The following TNRC6C variants were observed in gnomAD, a reference collection of about 807,000 sequenced individuals.
TNRC6C encodes trinucleotide repeat containing adaptor 6C, also known as trinucleotide repeat-containing gene 6C protein.
In TNRC6C, 20 loss-of-function variants were observed where a neutral mutation model predicts 153.7. That is an observed-to-expected ratio of 0.13 (90% CI 0.09 to 0.19). The LOEUF (loss-of-function observed/expected upper bound fraction) is 0.19, where lower values mean the gene tolerates loss of function less well. TNRC6C is among the 10% of genes least tolerant of loss of function. The pLI is 1.00. For missense variants in TNRC6C, 1,987 were observed against 2,172.0 expected (o/e 0.91, Z 1.69); for synonymous variants, 811 against 841.4 (o/e 0.96, Z 0.63).
chr17:78,098,703 G>A (rs1243829983), intron 17 of TNRC6C, among the ~76,000 whole-genome samples, 166 bp downstream of exon 20: 2 of 152,192 alleles, frequency 1.3e-5, no homozygotes, highest in Admixed American at 6.5e-5. Context: ...CAGGGCAGTA[G>A]CTGGGTGAGC....
At position 78,030,155 on chromosome 17, in the gene TNRC6C, TTTTTTG is replaced by T. The variant is rs556654115; in HGVS notation, c.-545-1354_-545-1349del. ...TACATAATGTATGTGCTAGACTTTTTTTTTTGTTTTTGGAGACGGAGTCTCGCTCTG... is the reference window on the plus strand; with the variant it reads ...TACATAATGTATGTGCTAGACTTTTTTTTTTGGAGACGGAGTCTCGCTCTG... On this transcript the variant is annotated intron_variant, in intron 1 of 19. Transcript: ENST00000301624. Among the ~76,000 whole-genome samples, 4 of 152,352 alleles carry T rather than the reference TTTTTTG, an allele frequency of 2.6e-5. No individual in the cohort carries two copies. In the South Asian group the frequency reaches 8.3e-4, roughly 32 times the overall value.
upstream of TNRC6C, among the ~76,000 whole-genome samples, chr17:78,000,331 G>A (rs1042295942): frequency 2.0e-5 from 3 of 152,018 alleles, no homozygotes; most frequent in African/African-American, 7.3e-5. Flanking sequence ...TTATGCTCAA[G>A]GCTGAGACTA....
At chr17:78,048,712 A>T in intron 2 of TNRC6C, 133 bp from the exon 5 acceptor site, 1 of 889,242 alleles carries the variant, frequency 1.1e-6, no homozygotes, top group South Asian at 6.1e-5. Flanking sequence ...TTTTTCTTTA[A>T]GTCATTTTTT....
intron 2 of TNRC6C, among the ~76,000 whole-genome samples, chr17:78,046,518 T>A (rs1320323939): frequency 6.6e-6 from 1 of 152,214 alleles, no homozygotes; most frequent in African/African-American, 2.4e-5. Flanking sequence ...ATCTGTTGTA[T>A]CTTCTCCCTG....
intron 18 of TNRC6C, 30 bp from the exon 22 acceptor site, chr17:78,103,384 T>C (rs1251507319): frequency 1.9e-6 from 3 of 1,610,340 alleles, no homozygotes; most frequent in Non-Finnish European, 2.5e-6. Flanking sequence ...AGAAGAAAGC[T>C]CATTCATGTC....
At chr17:77,999,687 C>A (rs1205800310), upstream of TNRC6C, among the ~76,000 whole-genome samples, 1 of 152,200 alleles carries the variant, frequency 6.6e-6, no homozygotes, top group African/African-American at 2.4e-5. Flanking sequence ...TACCTGGGCC[C>A]TCTGCAAAGC....
At chr17:77,995,067 A>G (rs1328490795) in intron 1 of TNRC6C, among the ~76,000 whole-genome samples, 1 of 152,216 alleles carries the variant, frequency 6.6e-6, no homozygotes, top group East Asian at 1.9e-4. Context: ...GTTAACTGTA[A>G]TGGGATTAGA....
chr17:77,988,446 C>A (rs2071203672), intron 1 of TNRC6C, among the ~76,000 whole-genome samples: 1 of 152,196 alleles, frequency 6.6e-6, no homozygotes, highest in South Asian at 2.1e-4. Context: ...AGAATTTCTT[C>A]TCTTCATCTG....
Position 78,065,889 on chromosome 17 carries a change from T to C in TNRC6C, c.2611+952T>C, listed in dbSNP as rs75273944. On this transcript the variant is annotated intron_variant, in intron 4 of 19. Transcript: ENST00000301624. ...TATATGGGTGTTTTGCAATGTGATATTTGTAATATTAACATGAGTATAAGA... is the reference window on the plus strand; with the variant it reads ...TATATGGGTGTTTTGCAATGTGATACTTGTAATATTAACATGAGTATAAGA... Among the ~76,000 whole-genome samples, 263 of 152,340 alleles carry C rather than the reference T, an allele frequency of 1.7e-3. 1 individual carries two copies. The highest frequency in any genetic ancestry group is 5.8e-3 in the African/African-American group (241 of 41,578).
At chr17:77,984,790 G>A (rs921541326) in intron 1 of TNRC6C, among the ~76,000 whole-genome samples, 5 of 152,078 alleles carry the variant, frequency 3.3e-5, no homozygotes, top group African/African-American at 4.8e-5. Context: ...CCAGTCCTGC[G>A]TGGAGGGATC....
At chr17:77,974,257 C>T (rs2070967592) in intron 1 of TNRC6C, among the ~76,000 whole-genome samples, 1 of 152,114 alleles carries the variant, frequency 6.6e-6, no homozygotes. Context: ...TTTCAATACA[C>T]ATGTCACCAA....
At chr17:78,085,069 A>G (rs2073256331) in intron 11 of TNRC6C, among the ~76,000 whole-genome samples, 1 of 152,220 alleles carries the variant, frequency 6.6e-6, no homozygotes, top group African/African-American at 2.4e-5. Flanking sequence ...GAAAGGAGAC[A>G]GCTCTGAAAA....
upstream of TNRC6C, chr17:78,004,114 A>G (rs532039626): frequency 4.2e-5 from 52 of 1,230,758 alleles, no homozygotes; most frequent in African/African-American, 7.9e-4. Context: ...GTGCTTTTTC[A>G]TTGTTTGACT....
chr17:78,050,164 G>T, exon 3 of TNRC6C: 1 of 1,574,638 alleles, frequency 6.4e-7, no homozygotes, highest in East Asian at 2.2e-5. Flanking sequence ...GAGTCCTAGT[G>T]TCACCAGCCA....
chr17:77,989,450 G>A (rs2071218654), intron 1 of TNRC6C, among the ~76,000 whole-genome samples: 1 of 152,172 alleles, frequency 6.6e-6, no homozygotes, highest in Admixed American at 6.5e-5. Context: ...ATTCAGGGAA[G>A]GTTGTACTTT....
At chr17:77,994,775 G>C (rs966372736) in intron 1 of TNRC6C, among the ~76,000 whole-genome samples, 1 of 152,074 alleles carries the variant, frequency 6.6e-6, no homozygotes, top group Non-Finnish European at 1.5e-5. Context: ...CAACAGGCAA[G>C]TGCCAAATTC....
At chr17:78,069,395 G>T (rs2072946339) in intron 5 of TNRC6C, among the ~76,000 whole-genome samples, 1 of 151,950 alleles carries the variant, frequency 6.6e-6, no homozygotes. Context: ...CCAGCGTTTT[G>T]ATTTTTTTAT....
intron 1 of TNRC6C, among the ~76,000 whole-genome samples, 195 bp downstream of exon 1, chr17:77,959,463 G>C (rs2070842546): frequency 6.6e-6 from 1 of 152,042 alleles, no homozygotes; most frequent in African/African-American, 2.4e-5. Flanking sequence ...GTGTGCTAGT[G>C]TGAGACGGGG....
At position 78,096,554 on chromosome 17, in the gene TNRC6C, G is replaced by A. The variant is rs148710192; in HGVS notation, c.4307-1789G>A. The stretch of plus-strand genomic sequence containing the variant: ...CAGCTGTGCAGGTTGGACACTGCAC[G>A]TGTCCAGGAGGTGCCACACACCTGG... On this transcript the variant is annotated intron_variant, in intron 16 of 19. Coordinates refer to ENST00000301624, the Ensembl canonical transcript of TNRC6C. 1.9e-3 allele frequency among the ~76,000 whole-genome samples: 291 copies of A among 152,366 alleles called. 1 individual carries two copies. Among genetic ancestry groups the A allele is most frequent in the African/African-American group, 5.8e-3 (243 of 41,584 alleles).
Sources: allele counts gnomAD v4.1 joint callset (sites outside exome capture counted in the v4.1 genomes callset), GRCh38; gene constraint gnomAD v4.1.1; transcripts MANE v1.5; gene names NCBI Gene and HGNC (gene_info 2026-07-23, HGNC 2026-07-21).